CLVS1: variants seen among roughly 807,000 people sequenced by gnomAD.
CLVS1 encodes clavesin 1.
CLVS1 carries 10 observed loss-of-function variants against 33.1 expected under a neutral mutation model. The observed-to-expected ratio is 0.30, with a 90% CI of 0.19 to 0.51. The LOEUF is 0.51. Among genes scored for constraint, CLVS1 ranks in the 20% least tolerant of loss-of-function variants. The pLI is 0.97. For synonymous variants in CLVS1, 163 were observed against 166.1 expected (o/e 0.98, Z 0.14); for missense variants, 343 against 433.4 (o/e 0.79, Z 1.85).
chr8:61,339,940 AAGAG>A (rs748560073), intron 2 of CLVS1, among the ~76,000 whole-genome samples: 3 of 151,660 alleles, frequency 2.0e-5, no homozygotes, highest in Admixed American at 6.6e-5. Flanking sequence ...AGATAAAAGA[AAGAG>A]AGGGGTAAAG....
At chr8:61,312,369 TGA>T (rs1404632226) in intron 2 of CLVS1, among the ~76,000 whole-genome samples, 1 of 152,252 alleles carries the variant, frequency 6.6e-6, no homozygotes, top group African/African-American at 2.4e-5. Flanking sequence ...CCATTTATTG[TGA>T]GTGTTCTATA....
intron 1 of CLVS1, among the ~76,000 whole-genome samples, chr8:61,121,486 C>A (rs765732029): frequency 1.3e-5 from 2 of 151,990 alleles, no homozygotes; most frequent in Non-Finnish European, 2.9e-5. Context: ...TATCTGTTTG[C>A]GTGTATTGGA....
At chr8:61,445,360 G>T (rs1302751092) in intron 3 of CLVS1, among the ~76,000 whole-genome samples, 2 of 152,120 alleles carry the variant, frequency 1.3e-5, no homozygotes, top group African/African-American at 4.8e-5. Context: ...CATGGGGGTG[G>T]ATCCTTCATG....
At chr8:61,133,292 G>A (rs1395072051) in intron 2 of CLVS1, among the ~76,000 whole-genome samples, 2 of 152,192 alleles carry the variant, frequency 1.3e-5, no homozygotes, top group African/African-American at 2.4e-5. Flanking sequence ...CTGCACAGGA[G>A]GGTAGAGGAG....
intron 3 of CLVS1, among the ~76,000 whole-genome samples, chr8:61,422,709 A>C (rs73257376): frequency 0.037 from 5,707 of 152,290 alleles, 359 homozygotes; most frequent in African/African-American, 0.13. Context: ...AAAGTATGAA[A>C]TCACTTTTGA....
the CLVS1 span, among the ~76,000 whole-genome samples, chr8:61,047,459 A>G: frequency 7.2e-5 from 11 of 152,228 alleles, no homozygotes; most frequent in Admixed American, 2.0e-4. Flanking sequence ...ATTACTGGGT[A>G]TATACCCAAA....
At chr8:61,484,516 G>T (rs1376082946) in intron 5 of CLVS1, among the ~76,000 whole-genome samples, 1 of 152,158 alleles carries the variant, frequency 6.6e-6, no homozygotes, top group Non-Finnish European at 1.5e-5. Context: ...TGGCCATACT[G>T]CCCAAGGTAA....
chr8:61,204,041 G>A (rs918047027), intron 2 of CLVS1, among the ~76,000 whole-genome samples: 8 of 152,154 alleles, frequency 5.3e-5, no homozygotes, highest in Non-Finnish European at 1.2e-4. Flanking sequence ...CAGGAATGAG[G>A]TCAAGAAGAG....
At position 61,057,643 on chromosome 8, in the gene CLVS1, C is replaced by G. The variant is rs189548218; in HGVS notation, c.-243+413C>G. 2.3e-3 allele frequency among the ~76,000 whole-genome samples: 342 copies of G among 151,976 alleles called. 1 individual carries two copies. Among genetic ancestry groups the G allele is most frequent in the Non-Finnish European group, 3.6e-3 (248 of 67,946 alleles). ...GAGCCAGTCAGAAGAAAAAAAAAAA[C>G]CTTTGCATTTGTGATACTGCACAAC... On this transcript the variant is annotated intron_variant, in intron 1 of 2. Transcript: ENST00000522621.
At chr8:61,208,675 G>GC (rs1563445810) in intron 2 of CLVS1, among the ~76,000 whole-genome samples, 2 of 83,482 alleles carry the variant, frequency 2.4e-5, no homozygotes, top group Admixed American at 2.3e-4. Flanking sequence ...TGTAACCTCT[G>GC]CCTCCAGGTT....
At chr8:61,138,285 T>A (rs1806228553) in intron 2 of CLVS1, among the ~76,000 whole-genome samples, 1 of 152,170 alleles carries the variant, frequency 6.6e-6, no homozygotes. Flanking sequence ...ACACACAGGG[T>A]GTGTTCCTGA....
chr8:61,286,279 G>T (rs1313838779), upstream of CLVS1, among the ~76,000 whole-genome samples: 1 of 152,120 alleles, frequency 6.6e-6, no homozygotes, highest in Non-Finnish European at 1.5e-5. Flanking sequence ...AATAGGGCTG[G>T]AAAGTGTGGG....
At chr8:61,050,491 T>G in the CLVS1 span, among the ~76,000 whole-genome samples, 1 of 152,226 alleles carries the variant, frequency 6.6e-6, no homozygotes, top group African/African-American at 2.4e-5. Flanking sequence ...GGACACAGTG[T>G]GCTGGGCCAA....
chr8:61,063,543 A>C (rs11996012), intron 1 of CLVS1, among the ~76,000 whole-genome samples: 1 of 152,066 alleles, frequency 6.6e-6, no homozygotes, highest in African/African-American at 2.4e-5. Context: ...TTCAAGAAGG[A>C]TGGACACAGG....
intron 3 of CLVS1, among the ~76,000 whole-genome samples, chr8:61,403,821 C>A (rs956200737): frequency 3.9e-5 from 6 of 152,142 alleles, no homozygotes; most frequent in African/African-American, 1.4e-4. Context: ...GCACAGGATT[C>A]CACGAAAACA....
intron 4 of CLVS1, among the ~76,000 whole-genome samples, chr8:61,454,795 A>G (rs916025656): frequency 3.3e-5 from 5 of 152,204 alleles, no homozygotes; most frequent in Non-Finnish European, 5.9e-5. Flanking sequence ...AGCTTTTTCC[A>G]TCAATCAGAG....
intron 2 of CLVS1, among the ~76,000 whole-genome samples, chr8:61,133,619 G>A (rs1334451557): frequency 6.6e-6 from 1 of 152,190 alleles, no homozygotes; most frequent in African/African-American, 2.4e-5. Flanking sequence ...GGACAGCAAG[G>A]CAGTCATAGC....
chr8:61,138,752 G>A (rs1806242637), intron 2 of CLVS1, among the ~76,000 whole-genome samples: 1 of 152,198 alleles, frequency 6.6e-6, no homozygotes, highest in Non-Finnish European at 1.5e-5. Flanking sequence ...GAAGGGCTGA[G>A]TTATCTCTGG....
At chr8:61,019,864 G>A in the CLVS1 span, among the ~76,000 whole-genome samples, 7 of 152,192 alleles carry the variant, frequency 4.6e-5, no homozygotes, top group Non-Finnish European at 7.3e-5. Context: ...TATGGATACA[G>A]TCAGATTCTG....
Sources: gnomAD v4.1 joint callset for allele counts (sites outside exome capture counted in the v4.1 genomes callset) on GRCh38, gnomAD v4.1.1 for gene constraint, MANE v1.5 for transcripts, NCBI Gene and HGNC (gene_info 2026-07-23, HGNC 2026-07-21) for gene names.